KCTD8: variants seen among roughly 807,000 people sequenced by gnomAD.
KCTD8 encodes the protein BTB/POZ domain-containing protein KCTD8.
KCTD8 carries 27 observed loss-of-function variants against 31.5 expected under a neutral mutation model. The observed-to-expected ratio is 0.86, with a 90% confidence interval of 0.63 to 1.18. The LOEUF (loss-of-function observed/expected upper bound fraction) is 1.18, where lower values mean the gene tolerates loss of function less well. KCTD8 is among the 50% of genes most tolerant of loss of function. The probability of loss-of-function intolerance (pLI) is 0.00; values close to 1 mark genes in which losing one functional copy is unlikely to be tolerated. For synonymous variants in KCTD8, 290 were observed against 280.0 expected (o/e 1.04, Z -0.36); for missense variants, 658 against 647.7 (o/e 1.02, Z -0.17).
chr4:44,266,647 C>T (rs1244806797), intron 1 of KCTD8, among the ~76,000 whole-genome samples: 14 of 150,642 alleles, frequency 9.3e-5, no homozygotes, highest in Non-Finnish European at 1.5e-4. Flanking sequence ...TTCAGGAAAC[C>T]CATCTCACGT....
intron 1 of KCTD8, among the ~76,000 whole-genome samples, chr4:44,335,920 G>A (rs1404618050): frequency 6.6e-6 from 1 of 151,804 alleles, no homozygotes; most frequent in Non-Finnish European, 1.5e-5. Context: ...GGAGGCCGAG[G>A]CGGGCGGATC....
At chr4:44,437,673 A>C (rs2109482002) in intron 1 of KCTD8, among the ~76,000 whole-genome samples, 1 of 152,242 alleles carries the variant, frequency 6.6e-6, no homozygotes, top group Non-Finnish European at 1.5e-5. Context: ...GTAAGGACAA[A>C]TACTCTATTT....
rs572135688 is a variant in KCTD8 at position 44,328,573 on chromosome 4, C to G, written c.961+118990G>C. Among the ~76,000 whole-genome samples, 77 of 152,004 alleles carry G rather than the reference C, an allele frequency of 5.1e-4. No homozygotes were observed. The Middle Eastern group carries it at 0.014, about 27-fold the overall frequency. ...TATCATTACACATGTAACTATTTAA[C>G]ATAAATAGTTTTAGATGATTTTCCA... On this transcript the variant is annotated intron_variant, in intron 1 of 1. Coordinates refer to ENST00000360029, the MANE Select transcript of KCTD8 (RefSeq NM_198353.3).
At chr4:44,426,052 A>G (rs372185431) in intron 1 of KCTD8, among the ~76,000 whole-genome samples, 6 of 151,896 alleles carry the variant, frequency 4.0e-5, no homozygotes, top group Admixed American at 1.3e-4. Flanking sequence ...CAAGTAAAAG[A>G]CTACTAGATA....
At chr4:44,314,415 C>T (rs373720536) in intron 1 of KCTD8, among the ~76,000 whole-genome samples, 2 of 152,190 alleles carry the variant, frequency 1.3e-5, no homozygotes, top group South Asian at 2.1e-4. Context: ...AATGAGAAAG[C>T]ATGGACAGGA....
intron 1 of KCTD8, among the ~76,000 whole-genome samples, chr4:44,223,083 A>G (rs535638276): frequency 6.6e-6 from 1 of 152,360 alleles, no homozygotes; most frequent in Admixed American, 6.5e-5. Context: ...TTTTACAGTA[A>G]TCCAGATGAA....
intron 1 of KCTD8, among the ~76,000 whole-genome samples, chr4:44,432,885 A>G (rs1721538919): frequency 6.6e-6 from 1 of 151,746 alleles, no homozygotes; most frequent in South Asian, 2.1e-4. Flanking sequence ...TGTATTGTTA[A>G]GTACACATTC....
At chr4:44,204,354 A>G (rs1299903836) in intron 1 of KCTD8, among the ~76,000 whole-genome samples, 6 of 152,094 alleles carry the variant, frequency 3.9e-5, no homozygotes, top group African/African-American at 1.4e-4. Flanking sequence ...CCGGCACCAC[A>G]CCCTGGGCCT....
chr4:44,446,844 A>G (rs947637292), intron 1 of KCTD8, among the ~76,000 whole-genome samples: 3 of 151,574 alleles, frequency 2.0e-5, no homozygotes, highest in African/African-American at 7.3e-5. Context: ...GCACTCAGAC[A>G]TGCAAACTTT....
chr4:44,327,803 A>G (rs919227094), intron 1 of KCTD8, among the ~76,000 whole-genome samples: 1 of 151,842 alleles, frequency 6.6e-6, no homozygotes, highest in African/African-American at 2.4e-5. Context: ...AAAATGAAGT[A>G]GATCCTAACT....
At chr4:44,346,878 TA>T in intron 1 of KCTD8, among the ~76,000 whole-genome samples, 1 of 152,150 alleles carries the variant, frequency 6.6e-6, no homozygotes, top group Non-Finnish European at 1.5e-5. Context: ...ACACAAAAAG[TA>T]AAGTATATAT....
intron 1 of KCTD8, among the ~76,000 whole-genome samples, chr4:44,415,240 C>T (rs752493245): frequency 2.6e-5 from 4 of 152,282 alleles, no homozygotes; most frequent in Middle Eastern, 3.4e-3. Flanking sequence ...AGTGGCATGG[C>T]TTCTTCTAAC....
intron 1 of KCTD8, among the ~76,000 whole-genome samples, chr4:44,236,155 C>A (rs1715284947): frequency 6.6e-6 from 1 of 152,186 alleles, no homozygotes; most frequent in South Asian, 2.1e-4. Flanking sequence ...TGCCCAACTG[C>A]AGCCATGAGA....
At chr4:44,422,980 T>A (rs1721256904) in intron 1 of KCTD8, among the ~76,000 whole-genome samples, 6 of 152,100 alleles carry the variant, frequency 3.9e-5, no homozygotes, top group Admixed American at 3.9e-4. Context: ...TTACCAACCA[T>A]AAATTTGTCT....
chr4:44,316,074 T>C (rs1718100628), intron 1 of KCTD8, among the ~76,000 whole-genome samples: 1 of 152,094 alleles, frequency 6.6e-6, no homozygotes, highest in Non-Finnish European at 1.5e-5. Flanking sequence ...TTCCCATTTT[T>C]TTATTACTTA....
At chr4:44,399,915 T>C (rs1720602854) in intron 1 of KCTD8, among the ~76,000 whole-genome samples, 1 of 152,178 alleles carries the variant, frequency 6.6e-6, no homozygotes, top group Non-Finnish European at 1.5e-5. Context: ...AAGCCAAATC[T>C]ATCACATTTT....
intron 1 of KCTD8, among the ~76,000 whole-genome samples, chr4:44,214,855 T>C (rs933969297): frequency 1.3e-5 from 2 of 152,206 alleles, no homozygotes; most frequent in Admixed American, 6.5e-5. Flanking sequence ...TTAGGAGTCA[T>C]GCATCTGGAG....
intron 1 of KCTD8, among the ~76,000 whole-genome samples, chr4:44,398,662 A>G (rs549256598): frequency 2.6e-5 from 4 of 152,322 alleles, no homozygotes; most frequent in African/African-American, 9.6e-5. Flanking sequence ...CTTCTAGTAC[A>G]AACTCATTTC....
chr4:44,287,252 A>AAAAT (rs1199896249), intron 1 of KCTD8, among the ~76,000 whole-genome samples: 2 of 152,104 alleles, frequency 1.3e-5, no homozygotes, highest in African/African-American at 4.8e-5. Context: ...ACCTTATCTC[A>AAAAT]AAATAAATAA....
Sources: allele counts gnomAD v4.1 joint callset (sites outside exome capture counted in the v4.1 genomes callset), GRCh38; gene constraint gnomAD v4.1.1; transcripts MANE v1.5; gene names NCBI Gene and HGNC (gene_info 2026-07-23, HGNC 2026-07-21).